The following SCN10A variants were observed in gnomAD, a reference collection of about 807,000 sequenced individuals.
SCN10A encodes sodium voltage-gated channel alpha subunit 10.
A neutral mutation model predicts 170.7 loss-of-function variants in SCN10A; 162 were observed. The ratio of observed to expected loss-of-function variants is 0.95; its 90% CI spans 0.84 to 1.08. The LOEUF is 1.08. Ranked by LOEUF, SCN10A falls within the 50% of genes least tolerant of loss-of-function variation. SCN10A has a pLI of 0.00. For synonymous variants in SCN10A, 985 were observed against 904.6 expected (o/e 1.09, Z -1.59); for missense variants, 2,527 against 2,436.9 (o/e 1.04, Z -0.78).
chr3:38,756,170 A>G (rs1159030360), intron 10 of SCN10A, among the ~76,000 whole-genome samples: 1 of 152,164 alleles, frequency 6.6e-6, no homozygotes, highest in African/African-American at 2.4e-5. Flanking sequence ...TGCCCCACCC[A>G]GATCCCTTTC....
At chr3:38,740,707 C>T (rs780717013) in intron 14 of SCN10A, among the ~76,000 whole-genome samples, 7 of 152,144 alleles carry the variant, frequency 4.6e-5, no homozygotes, top group Non-Finnish European at 7.4e-5. Context: ...TGATGTTAAC[C>T]TCATAATGTT....
chr3:38,772,771 AG>A (rs1253505942), intron 4 of SCN10A, among the ~76,000 whole-genome samples: 1 of 152,012 alleles, frequency 6.6e-6, no homozygotes, highest in East Asian at 1.9e-4. Context: ...ATTTTTAGAG[AG>A]TTAAGAGGTG....
intron 5 of SCN10A, among the ~76,000 whole-genome samples, chr3:38,769,854 G>A (rs576996944): frequency 6.6e-6 from 1 of 152,190 alleles, no homozygotes; most frequent in South Asian, 2.1e-4. Flanking sequence ...ACACAGAGGG[G>A]CTACCAGGCT....
At chr3:38,794,977 T>C (rs2064329770) in intron 1 of SCN10A, among the ~76,000 whole-genome samples, 1 of 152,142 alleles carries the variant, frequency 6.6e-6, no homozygotes, top group Non-Finnish European at 1.5e-5. Context: ...CTTCCTACAT[T>C]CTAAGGACCA....
intron 15 of SCN10A, among the ~76,000 whole-genome samples, chr3:38,738,550 AGG>A (rs1262228068): frequency 6.6e-6 from 1 of 152,156 alleles, no homozygotes; most frequent in East Asian, 1.9e-4. Context: ...AACACTTGTC[AGG>A]ACCTTGGGAA....
intron 11 of SCN10A, 72 bp from the exon 12 acceptor site, chr3:38,752,584 C>T: frequency 7.9e-7 from 1 of 1,261,074 alleles, no homozygotes; most frequent in Non-Finnish European, 1.1e-6. Context: ...CAACACTTCC[C>T]TCTACCTACT....
Position 38,728,577 on chromosome 3 carries a change from G to C in SCN10A, c.2605C>G (p.Leu869Val). ...EVGQKSICLI[L>V]FLTVMVLGNL... ...CCTAGCACCATCACCGTCAAGAAAA[G>C]GATGAGGCATATGGATTTTTGGCCA... The change falls in exon 16 of 28, where the codon CTT becomes GTT. Residue 869 changes from leucine (L) to valine (V), a missense_variant. Transcript: ENST00000449082. 6.2e-7 allele frequency: 1 copy of C among 1,606,008 alleles called. No individual in the cohort carries two copies. Among genetic ancestry groups the C allele is most frequent in the Non-Finnish European group, 8.5e-7 (1 of 1,174,200 alleles).
intron 15 of SCN10A, among the ~76,000 whole-genome samples, chr3:38,730,539 A>T (rs1323231985): frequency 3.3e-5 from 5 of 152,220 alleles, no homozygotes; most frequent in Admixed American, 2.0e-4. Context: ...ACAGATGTGG[A>T]AATAGTCATT....
chr3:38,801,079 T>A (rs1332713091), intron 1 of SCN10A, among the ~76,000 whole-genome samples: 2 of 151,928 alleles, frequency 1.3e-5, no homozygotes, highest in African/African-American at 2.4e-5. Context: ...ACAGTGAGGG[T>A]CTCCCTGAGA....
intron 6 of SCN10A, 45 bp from the exon 7 acceptor site, chr3:38,761,428 C>T (rs779195227): frequency 6.7e-7 from 1 of 1,500,992 alleles, no homozygotes; most frequent in Admixed American, 1.8e-5. Flanking sequence ...TGAGGTAGCA[C>T]ACACGGAGCA....
intron 1 of SCN10A, among the ~76,000 whole-genome samples, chr3:38,811,939 T>A (rs1388530016): frequency 1.3e-5 from 2 of 152,102 alleles, no homozygotes; most frequent in Non-Finnish European, 2.9e-5. Context: ...AACCAGGATG[T>A]CCCGAGCCCC....
At chr3:38,717,956 C>A (rs559680959) in intron 21 of SCN10A, among the ~76,000 whole-genome samples, 2 of 152,312 alleles carry the variant, frequency 1.3e-5, no homozygotes, top group South Asian at 4.1e-4. Context: ...AGCACACAGT[C>A]AATTCTCTAA....
At chr3:38,703,156 A>G (rs181265856) in intron 26 of SCN10A, among the ~76,000 whole-genome samples, 81 of 152,228 alleles carry the variant, frequency 5.3e-4, no homozygotes, top group African/African-American at 2.0e-3. Context: ...TCTTGCTTTG[A>G]AGCTTTGCCA....
intron 1 of SCN10A, among the ~76,000 whole-genome samples, chr3:38,806,930 G>T: frequency 6.6e-6 from 1 of 152,104 alleles, no homozygotes; most frequent in East Asian, 1.9e-4. Flanking sequence ...TACAATGAGG[G>T]GATTGGTCTG....
intron 13 of SCN10A, among the ~76,000 whole-genome samples, chr3:38,742,879 T>C (rs2063649140): frequency 6.6e-6 from 1 of 152,186 alleles, no homozygotes; most frequent in Non-Finnish European, 1.5e-5. Flanking sequence ...CCTCTCCTCC[T>C]TCATTGTACT....
intron 5 of SCN10A, among the ~76,000 whole-genome samples, chr3:38,769,640 T>G (rs1260730490): frequency 1.3e-5 from 2 of 152,234 alleles, no homozygotes; most frequent in African/African-American, 4.8e-5. Flanking sequence ...AACCCTCTTT[T>G]GTCATATTAC....
chr3:38,710,983 GGA>G (rs2063267916), intron 23 of SCN10A, 86 bp from the exon 24 acceptor site: 2 of 1,150,254 alleles, frequency 1.7e-6, no homozygotes, highest in Non-Finnish European at 2.6e-6. Flanking sequence ...CAGTGAGAGA[GGA>G]GAGAGTCCTG....
chr3:38,796,393 G>A (rs951971415), intron 1 of SCN10A, among the ~76,000 whole-genome samples: 1 of 151,976 alleles, frequency 6.6e-6, no homozygotes. Context: ...CACTGGCCTC[G>A]TATGTGTCAT....
intron 15 of SCN10A, among the ~76,000 whole-genome samples, chr3:38,729,209 T>G (rs1278774977): frequency 6.6e-6 from 1 of 152,150 alleles, no homozygotes; most frequent in Non-Finnish European, 1.5e-5. Context: ...TGATCCCTCC[T>G]GAATATGGGC....
Sources: allele counts gnomAD v4.1 joint callset (sites outside exome capture counted in the v4.1 genomes callset), GRCh38; gene constraint gnomAD v4.1.1; transcripts MANE v1.5; gene names NCBI Gene and HGNC (gene_info 2026-07-23, HGNC 2026-07-21).